Variants in MCM10 observed in about 807,000 individuals in gnomAD.
MCM10 encodes the protein minichromosome maintenance 10 replication initiation factor.
A neutral mutation model predicts 109.9 loss-of-function variants in MCM10; 91 were observed. That is an observed-to-expected ratio of 0.83 (90% confidence interval 0.70 to 0.99). MCM10 has a LOEUF of 0.99. MCM10 is among the 50% of genes least tolerant of loss of function. MCM10 has a pLI of 0.00. For synonymous variants in MCM10, 380 were observed against 387.2 expected (o/e 0.98, Z 0.22); for missense variants, 1,077 against 1,061.2 (o/e 1.01, Z -0.21).
Position 13,195,179 on chromosome 10 carries a change from G to A in MCM10, c.1884G>A (p.Gly628=), listed in dbSNP as rs756467230. The part of the protein sequence containing the change: ...GAPATMTPKL[G]RGVLEGDDVL... The stretch of plus-strand genomic sequence containing the variant: ...CGGCCACAATGACGCCCAAGCTGGG[G>A]CGAGGTGTCTTGGAAGGAGATGATG... Residue 628 remains glycine, a synonymous_variant, in exon 14 of 20, where the codon GGG becomes GGA. Coordinates refer to ENST00000378714, the MANE Select transcript of MCM10 (RefSeq NM_018518.5). 1.7e-5 allele frequency: 27 copies of A among 1,614,038 alleles called. 1 individual carries two copies. In the South Asian group the frequency reaches 2.7e-4, roughly 16 times the overall value.
At chr10:13,200,878 C>G in intron 16 of MCM10, among the ~76,000 whole-genome samples, 1 of 152,236 alleles carries the variant, frequency 6.6e-6, no homozygotes. Flanking sequence ...GGTGCGGTGG[C>G]TCATGCCTGT....
At chr10:13,184,916 C>A (rs754345632) in intron 8 of MCM10, among the ~76,000 whole-genome samples, 5 of 152,124 alleles carry the variant, frequency 3.3e-5, no homozygotes, top group Non-Finnish European at 7.3e-5. Flanking sequence ...AAACACCTTG[C>A]CAATTTCTAC....
chr10:13,192,621 C>G (rs1319454077), intron 13 of MCM10, 53 bp downstream of exon 13: 2 of 1,481,368 alleles, frequency 1.4e-6, no homozygotes, highest in Non-Finnish European at 1.9e-6. Context: ...CTCAGGCGTC[C>G]TCAGAACGTC....
intron 18 of MCM10, among the ~76,000 whole-genome samples, chr10:13,206,761 G>T (rs929852407): frequency 3.3e-5 from 5 of 150,652 alleles, no homozygotes; most frequent in Admixed American, 6.6e-5. Flanking sequence ...CACTGTGATT[G>T]TAAGAACCAT....
Position 13,190,422 on chromosome 10 carries a change from A to G in MCM10, c.1416-877A>G, listed in dbSNP as rs923356002. On this transcript the variant is annotated intron_variant, in intron 10 of 19. Coordinates refer to ENST00000378714, the MANE Select transcript of MCM10 (RefSeq NM_018518.5). The stretch of plus-strand genomic sequence containing the variant: ...TTCTAGGCCAGGCACAGTGGCTTAC[A>G]CCTGTAATCCCAGCACTTCGGGAGG... Among the ~76,000 whole-genome samples the G allele has an allele frequency of 4.6e-5, 7 of 152,170 alleles. No homozygotes were observed. The South Asian group carries it at 6.2e-4, about 13-fold the overall frequency.
At chr10:13,198,282 T>A (rs1406364052) in intron 15 of MCM10, among the ~76,000 whole-genome samples, 1 of 152,200 alleles carries the variant, frequency 6.6e-6, no homozygotes, top group Non-Finnish European at 1.5e-5. Flanking sequence ...GCTCATTGGA[T>A]CTTTGTACAT....
chr10:13,189,613 GCTCCC>G (rs1564388405), intron 10 of MCM10, among the ~76,000 whole-genome samples: 7 of 152,180 alleles, frequency 4.6e-5, no homozygotes, highest in Non-Finnish European at 1.0e-4. Context: ...ATGAGCCACT[GCTCCC>G]AGCCCCTCTT....
intron 17 of MCM10, among the ~76,000 whole-genome samples, chr10:13,202,276 G>T (rs559867683): frequency 3.0e-4 from 45 of 152,260 alleles, no homozygotes; most frequent in African/African-American, 1.0e-3. Flanking sequence ...AGGATCACTT[G>T]AGCCCAGGAA....
rs1008353616 is a variant in MCM10, at chr10:13,197,699, A to G, written c.2051A>G (p.Gln684Arg). ...AACCCAAACAGCATTAAGAAGAAAC[A>G]AAAGGACCCTCAGGACATCCTGGAG... ...KTNPNSIKKK[Q>R]KDPQDILEVK... Residue 684 changes from glutamine to arginine, a missense_variant, in exon 15 of 20, where the codon CAA (glutamine) becomes CGA (arginine). Physicochemically the swap from Gln to Arg is conservative, Grantham distance 43. Coordinates refer to ENST00000378714, the MANE Select transcript of MCM10 (RefSeq NM_018518.5). 2.5e-6 allele frequency: 4 copies of G among 1,613,962 alleles called. No individual in the cohort carries two copies. In the African/African-American group the frequency reaches 5.3e-5, roughly 22 times the overall value.
At position 13,172,020 on chromosome 10, in the gene MCM10, TGCCTCA is replaced by T. The variant is rs1359019051; in HGVS notation, c.350-350_350-345del. Among the ~76,000 whole-genome samples the T allele has an allele frequency of 1.3e-5, 2 of 152,190 alleles. No homozygotes were observed. The highest frequency in any genetic ancestry group is 3.9e-4 in the East Asian group (2 of 5,174). ...GAACTGCTGGGCTCTTGCGTCCTCC[TGCCTCA>T]GCCTCCCAAAATGCTGTGATTACAG... is the stretch of plus-strand genomic sequence containing the variant. On this transcript the variant is annotated intron_variant, in intron 3 of 19. Transcript: ENST00000378714. The surrounding 1 kb of genome is among the most constrained non-coding windows in gnomAD (Gnocchi z 5.2).
intron 13 of MCM10, among the ~76,000 whole-genome samples, chr10:13,194,141 A>G (rs1802783083): frequency 6.6e-6 from 1 of 152,194 alleles, no homozygotes; most frequent in African/African-American, 2.4e-5. Flanking sequence ...AGGCAGGCAG[A>G]TCGCCTGAGC....
At position 13,192,433 on chromosome 10, in the gene MCM10, T is replaced by C. The variant is rs1385621607; in HGVS notation, c.1628-18T>C. ...TCAGCCTCCCAGGGCACCCCCTCAGTCTGGGCTTCTGTTTCAGGGATTATG... is the reference window on the plus strand; with the variant it reads ...TCAGCCTCCCAGGGCACCCCCTCAGCCTGGGCTTCTGTTTCAGGGATTATG... On this transcript the variant is annotated intron_variant, in intron 12 of 19. Coordinates refer to ENST00000378714, the MANE Select transcript of MCM10 (RefSeq NM_018518.5). 6.2e-7 allele frequency: 1 copy of C among 1,613,976 alleles called. No individual in the cohort carries two copies. The highest frequency in any genetic ancestry group is 8.5e-7 in the Non-Finnish European group (1 of 1,179,836).
intron 9 of MCM10, among the ~76,000 whole-genome samples, chr10:13,187,406 C>T (rs1475873944): frequency 6.6e-6 from 1 of 152,206 alleles, no homozygotes; most frequent in Non-Finnish European, 1.5e-5. Context: ...GTTGTTGCCA[C>T]ATTTAGCTAT....
intron 2 of MCM10, among the ~76,000 whole-genome samples, chr10:13,170,573 C>G (rs1376599702): frequency 2.0e-5 from 3 of 152,176 alleles, no homozygotes; most frequent in Non-Finnish European, 2.9e-5. Flanking sequence ...GCAGTATTGG[C>G]TCCTTCTTAG....
intron 2 of MCM10, among the ~76,000 whole-genome samples, chr10:13,165,913 A>C (rs7071378): frequency 6.7e-6 from 1 of 149,144 alleles, no homozygotes; most frequent in Non-Finnish European, 1.5e-5. Flanking sequence ...AAATCATAAT[A>C]TTTAGTAAGA....
chr10:13,201,051 A>G (rs1226756730), intron 16 of MCM10, among the ~76,000 whole-genome samples: 1 of 152,226 alleles, frequency 6.6e-6, no homozygotes, highest in Admixed American at 6.5e-5. Context: ...AGGCTGGTGC[A>G]GGAGAATCAC....
intron 11 of MCM10, among the ~76,000 whole-genome samples, chr10:13,191,635 AT>A (rs1227627605): frequency 6.6e-6 from 1 of 152,222 alleles, no homozygotes; most frequent in Non-Finnish European, 1.5e-5. Flanking sequence ...CTCTTAAGTA[AT>A]AAGAATCCAG....
At chr10:13,189,283 T>C (rs1256493025) in intron 10 of MCM10, among the ~76,000 whole-genome samples, 4 of 152,140 alleles carry the variant, frequency 2.6e-5, no homozygotes, top group African/African-American at 4.8e-5. Flanking sequence ...GATTGACTTA[T>C]GTTGTGTTGG....
chr10:13,198,902 T>C, intron 16 of MCM10, 95 bp downstream of exon 16: 2 of 854,904 alleles, frequency 2.3e-6, no homozygotes, highest in Non-Finnish European at 3.8e-6. Context: ...GTTTGTTTTA[T>C]TTTGTTTTTC....
Sources: gnomAD v4.1 joint callset for allele counts (sites outside exome capture counted in the v4.1 genomes callset) on GRCh38, gnomAD v4.1.1 for gene constraint, Gnocchi (gnomAD v3.1) non-coding constraint, MANE v1.5 for transcripts, NCBI Gene and HGNC (gene_info 2026-07-23, HGNC 2026-07-21) for gene names.